Variants in ARRB1 observed in about 807,000 individuals in gnomAD.
ARRB1 encodes the protein arrestin beta 1.
Under a neutral mutation model 56.8 loss-of-function variants are expected in ARRB1, and 21 were observed. That is an observed-to-expected ratio of 0.37 (90% confidence interval 0.26 to 0.53). The LOEUF is 0.53. Ranked by LOEUF, ARRB1 falls within the 20% of genes least tolerant of loss-of-function variation. The pLI, the probability that ARRB1 is intolerant of heterozygous loss-of-function variation, is 0.88. For synonymous variants in ARRB1, 210 were observed against 218.6 expected (o/e 0.96, Z 0.35); for missense variants, 424 against 553.7 (o/e 0.77, Z 2.35).
rs191648893 is a variant in ARRB1, at chr11:75,264,027, C to T, written c.*2136G>A. Among the ~76,000 whole-genome samples, 20 of 152,314 alleles carry T rather than the reference C, an allele frequency of 1.3e-4. No homozygotes were observed. Among genetic ancestry groups the T allele is most frequent in the African/African-American group, 4.6e-4 (19 of 41,580 alleles). ...TTGCTCCAGCATTTCATCAGCTCTGCGCCTGCCCAGATGAGGTGCAGCCTG... is the reference window on the plus strand; with the variant it reads ...TTGCTCCAGCATTTCATCAGCTCTGTGCCTGCCCAGATGAGGTGCAGCCTG... On this transcript the variant is annotated 3_prime_UTR_variant, in exon 16 of 16. Transcript: ENST00000420843.
At chr11:75,304,646 T>G (rs1447376224) in intron 1 of ARRB1, among the ~76,000 whole-genome samples, 2 of 151,340 alleles carry the variant, frequency 1.3e-5, no homozygotes, top group African/African-American at 4.8e-5. Context: ...CTGTCATGAT[T>G]TGGGGAAGAG....
chr11:75,343,911 G>A (rs569106620), intron 1 of ARRB1, among the ~76,000 whole-genome samples: 1 of 151,990 alleles, frequency 6.6e-6, no homozygotes, highest in Non-Finnish European at 1.5e-5. Context: ...CGCCTCCCGG[G>A]TTCATGCTAT....
At chr11:75,273,614 G>A (rs1946122166) in intron 11 of ARRB1, among the ~76,000 whole-genome samples, 1 of 152,222 alleles carries the variant, frequency 6.6e-6, no homozygotes, top group Non-Finnish European at 1.5e-5. Context: ...GGCTCTGCTG[G>A]AGCAGAGTAG....
chr11:75,321,627 G>A (rs117895259), intron 1 of ARRB1, among the ~76,000 whole-genome samples: 13 of 152,190 alleles, frequency 8.5e-5, no homozygotes, highest in South Asian at 2.1e-4. Flanking sequence ...GGTTGGAACC[G>A]GCTAGAGGGC....
At chr11:75,287,517 C>T in intron 2 of ARRB1, 142 bp from the exon 3 acceptor site, 3 of 753,644 alleles carry the variant, frequency 4.0e-6, no homozygotes, top group Non-Finnish European at 6.3e-6. Context: ...GGACTTGGGC[C>T]TTCACCCCAG....
chr11:75,306,526 C>T (rs1316913300), intron 1 of ARRB1: 1 of 1,124,162 alleles, frequency 8.9e-7, no homozygotes, highest in African/African-American at 1.6e-5. Flanking sequence ...AAGCAAACTT[C>T]CTGGTGAGTC....
intron 1 of ARRB1, among the ~76,000 whole-genome samples, chr11:75,306,029 C>T (rs908378232): frequency 2.0e-5 from 3 of 152,142 alleles, no homozygotes; most frequent in East Asian, 1.9e-4. Flanking sequence ...CACCCTTCCC[C>T]GCACACCCCG....
chr11:75,310,956 T>C (rs1947142357), intron 1 of ARRB1, among the ~76,000 whole-genome samples: 1 of 152,192 alleles, frequency 6.6e-6, no homozygotes, highest in Non-Finnish European at 1.5e-5. Flanking sequence ...AAGGGTCTGT[T>C]ACAAATGTAC....
intron 13 of ARRB1, among the ~76,000 whole-genome samples, chr11:75,270,094 C>A (rs898405183): frequency 6.6e-6 from 1 of 152,264 alleles, no homozygotes; most frequent in Non-Finnish European, 1.5e-5. Flanking sequence ...CACTTTCTAG[C>A]TTTGAGTCTC....
intron 1 of ARRB1, among the ~76,000 whole-genome samples, chr11:75,316,788 C>T (rs1947273001): frequency 6.6e-6 from 1 of 151,946 alleles, no homozygotes; most frequent in Non-Finnish European, 1.5e-5. Context: ...AAATAATAGG[C>T]CAGGTGCAGT....
intron 1 of ARRB1, among the ~76,000 whole-genome samples, chr11:75,294,556 CAAAAATAA>C (rs1377746961): frequency 1.6e-5 from 2 of 122,406 alleles, no homozygotes; most frequent in African/African-American, 6.0e-5. Context: ...GACTCCGTCT[CAAAAATAA>C]ATAAATAAAT....
intron 1 of ARRB1, among the ~76,000 whole-genome samples, chr11:75,297,512 T>C (rs1487561688): frequency 6.6e-6 from 1 of 152,040 alleles, no homozygotes; most frequent in Non-Finnish European, 1.5e-5. Context: ...CTAGGACAAC[T>C]GGATAGTCGC....
intron 1 of ARRB1, among the ~76,000 whole-genome samples, chr11:75,295,221 CAAAAA>C (rs34666904): frequency 2.3e-4 from 17 of 73,074 alleles, no homozygotes; most frequent in Non-Finnish European, 3.4e-4. Context: ...AACCCTGTCT[CAAAAA>C]AAAAAAAAAA....
chr11:75,272,193 A>G (rs142160155), intron 12 of ARRB1, among the ~76,000 whole-genome samples: 152 of 152,402 alleles, frequency 1.0e-3, no homozygotes, highest in African/African-American at 3.4e-3. Context: ...CATTCTTCTA[A>G]TAATCAAGGA....
intron 1 of ARRB1, among the ~76,000 whole-genome samples, chr11:75,307,724 C>G (rs1219987981): frequency 6.6e-6 from 1 of 151,814 alleles, no homozygotes; most frequent in East Asian, 1.9e-4. Flanking sequence ...CCTCCCCTGC[C>G]CAGGGTCCCA....
At chr11:75,267,724 CAGGG>C in intron 14 of ARRB1, 21 bp from the exon 15 acceptor site, 4 of 1,183,660 alleles carry the variant, frequency 3.4e-6, no homozygotes, top group Non-Finnish European at 4.9e-6. Flanking sequence ...GGTGGGTGGG[CAGGG>C]TGTCCAGGGA....
intron 1 of ARRB1, among the ~76,000 whole-genome samples, chr11:75,332,442 T>C (rs950516644): frequency 6.6e-6 from 1 of 152,204 alleles, no homozygotes; most frequent in African/African-American, 2.4e-5. Context: ...AAGGTCTGAA[T>C]AGGAAACATT....
rs1591875427 is a variant in ARRB1 at position 75,262,264 on chromosome 11, T to A, written c.*3899A>T. On this transcript the variant is annotated 3_prime_UTR_variant, in exon 16 of 16. Transcript: ENST00000420843. The stretch of plus-strand genomic sequence containing the variant: ...CAGAGCCAAGGCCCCTTGGCCTCTG[T>A]GGGGTCTGAGAGATGGGAGATGTGA... The A allele has an allele frequency of 6.6e-6, 1 of 152,258 alleles. No homozygotes were observed. The highest frequency in any genetic ancestry group is 1.9e-4 in the East Asian group (1 of 5,180). 9.4% of individuals were successfully genotyped at this position (152,258 alleles called of 1,614,324 possible).
intron 8 of ARRB1, among the ~76,000 whole-genome samples, chr11:75,277,938 G>A (rs1425028990): frequency 6.6e-6 from 1 of 152,254 alleles, no homozygotes; most frequent in Non-Finnish European, 1.5e-5. Flanking sequence ...GAAGGGGTTG[G>A]ACTAGGTGAT....
Sources: allele counts gnomAD v4.1 joint callset (sites outside exome capture counted in the v4.1 genomes callset), GRCh38; gene constraint gnomAD v4.1.1; transcripts MANE v1.5; gene names NCBI Gene and HGNC (gene_info 2026-07-23, HGNC 2026-07-21).